EGFLAM: variants seen among roughly 807,000 people sequenced by gnomAD.
EGFLAM encodes the protein EGF like, fibronectin type III and laminin G domains, also known as pikachurin.
Under a neutral mutation model 113.1 loss-of-function variants are expected in EGFLAM, and 79 were observed. The observed-to-expected ratio is 0.70, with a 90% confidence interval of 0.58 to 0.84. The LOEUF is 0.84. Among genes scored for constraint, EGFLAM ranks in the 40% least tolerant of loss-of-function variants. The probability of loss-of-function intolerance (pLI) is 0.00; values close to 1 mark genes in which losing one functional copy is unlikely to be tolerated. For synonymous variants in EGFLAM, 504 were observed against 487.6 expected, an observed-to-expected ratio of 1.03 and a Z score of -0.44; for missense variants, 1,265 against 1,291.6, an observed-to-expected ratio of 0.98 and a Z score of 0.32.
intron 11 of EGFLAM, 61 bp from the exon 12 acceptor site, chr5:38,418,003 GGT>G (rs1741706513): frequency 2.7e-6 from 4 of 1,488,692 alleles, no homozygotes; most frequent in Admixed American, 2.0e-5. Flanking sequence ...ATAAAAATCT[GGT>G]GTGTTTTGGC....
chr5:38,366,744 T>A (rs1474552812), intron 5 of EGFLAM, among the ~76,000 whole-genome samples: 1 of 152,206 alleles, frequency 6.6e-6, no homozygotes, highest in Non-Finnish European at 1.5e-5. Flanking sequence ...GATCATTATT[T>A]TATCTTTGAG....
chr5:38,312,879 G>T (rs1363700556), intron 1 of EGFLAM, among the ~76,000 whole-genome samples: 2 of 152,132 alleles, frequency 1.3e-5, no homozygotes, highest in African/African-American at 4.8e-5. Flanking sequence ...CCTGAGGTCA[G>T]CAGTTCAAGA....
intron 12 of EGFLAM, among the ~76,000 whole-genome samples, chr5:38,423,816 T>C (rs1285475826): frequency 6.6e-6 from 1 of 152,216 alleles, no homozygotes; most frequent in Non-Finnish European, 1.5e-5. Flanking sequence ...TAGCAGTCCC[T>C]GAAGTCAGTC....
At chr5:38,387,262 C>T (rs1377449509) in intron 6 of EGFLAM, among the ~76,000 whole-genome samples, 1 of 152,200 alleles carries the variant, frequency 6.6e-6, no homozygotes, top group Non-Finnish European at 1.5e-5. Flanking sequence ...TGTTGCTCTC[C>T]TGCTCCTCCT....
chr5:38,333,529 G>C (rs1052435214), intron 1 of EGFLAM, among the ~76,000 whole-genome samples: 5 of 152,076 alleles, frequency 3.3e-5, no homozygotes, highest in African/African-American at 1.2e-4. Flanking sequence ...TTATGGTTTT[G>C]ATTTGCATTT....
intron 3 of EGFLAM, among the ~76,000 whole-genome samples, chr5:38,341,694 A>G (rs1739342252): frequency 6.6e-6 from 1 of 152,224 alleles, no homozygotes; most frequent in Non-Finnish European, 1.5e-5. Context: ...ATATCATATC[A>G]TTCTATAGAT....
chr5:38,398,945 A>G (rs917493677), intron 6 of EGFLAM, among the ~76,000 whole-genome samples: 5 of 152,242 alleles, frequency 3.3e-5, no homozygotes, highest in African/African-American at 9.6e-5. Context: ...TTTGAAATCA[A>G]TTGAAAAATA....
chr5:38,368,972 C>G (rs1020046409), intron 5 of EGFLAM, among the ~76,000 whole-genome samples: 1 of 152,194 alleles, frequency 6.6e-6, no homozygotes, highest in Non-Finnish European at 1.5e-5. Flanking sequence ...AAGCCCTTGA[C>G]GTTATTAGCC....
chr5:38,405,671 G>A (rs1375005243), intron 6 of EGFLAM, among the ~76,000 whole-genome samples: 2 of 152,204 alleles, frequency 1.3e-5, no homozygotes, highest in Non-Finnish European at 2.9e-5. Flanking sequence ...CTATGAACCT[G>A]TTTTGAACAC....
intron 10 of EGFLAM, among the ~76,000 whole-genome samples, chr5:38,411,558 C>T (rs1290047570): frequency 7.1e-6 from 1 of 141,124 alleles, no homozygotes; most frequent in African/African-American, 2.7e-5. Context: ...TCTGGGCTCA[C>T]TTCAACCTCC....
chr5:38,430,339 C>T (rs1232692417), intron 14 of EGFLAM, among the ~76,000 whole-genome samples: 1 of 152,160 alleles, frequency 6.6e-6, no homozygotes, highest in Non-Finnish European at 1.5e-5. Flanking sequence ...TTCATGCCAC[C>T]TCTCATCTAG....
intron 1 of EGFLAM, among the ~76,000 whole-genome samples, chr5:38,276,694 A>T (rs989219722): frequency 2.0e-5 from 3 of 152,122 alleles, no homozygotes; most frequent in Admixed American, 2.0e-4. Flanking sequence ...CTAGAAAAAA[A>T]AGAGAAGAGT....
chr5:38,369,764 A>C (rs1268496670), intron 5 of EGFLAM, among the ~76,000 whole-genome samples: 2 of 152,348 alleles, frequency 1.3e-5, no homozygotes, highest in African/African-American at 2.4e-5. Context: ...TCCAAAGGAC[A>C]TGTAAAAATT....
chr5:38,314,902 G>T (rs979524256), intron 1 of EGFLAM, among the ~76,000 whole-genome samples: 1 of 152,216 alleles, frequency 6.6e-6, no homozygotes, highest in Non-Finnish European at 1.5e-5. Context: ...CCACAGTGGG[G>T]ACAGTATGGA....
intron 16 of EGFLAM, 70 bp downstream of exon 16, chr5:38,435,323 C>T (rs1742310043): frequency 1.7e-6 from 2 of 1,172,632 alleles, no homozygotes; most frequent in Non-Finnish European, 2.5e-6. Flanking sequence ...GGATTATGAT[C>T]AGTGTCATCT....
At chr5:38,445,578 C>T in intron 17 of EGFLAM, 1 of 1,596,446 alleles carries the variant, frequency 6.3e-7, no homozygotes, top group Non-Finnish European at 8.5e-7. Flanking sequence ...GTGAGAGAAA[C>T]AAGGCTGGCT....
At position 38,445,613 on chromosome 5, in the gene EGFLAM, T is replaced by C. The variant is rs1014784041; in HGVS notation, c.2465-2688T>C. 2.4e-5 allele frequency: 39 copies of C among 1,598,168 alleles called. 1 individual carries two copies. The Middle Eastern group carries it at 6.6e-4, about 27-fold the overall frequency. On this transcript the variant is annotated intron_variant, in intron 17 of 21. Coordinates refer to ENST00000322350, the MANE Select transcript of EGFLAM (RefSeq NM_152403.4). ...TTCAAGTGATCTGCAACCAGAGTAA[T>C]TGGGATTTGACAAGGACTGTGAAAG...
Position 38,418,262 on chromosome 5 carries a change from G to A in EGFLAM, c.1684+7G>A, listed in dbSNP as rs957888873. The A allele has an allele frequency of 1.2e-6, 2 of 1,612,504 alleles. No individual in the cohort carries two copies. Among genetic ancestry groups the A allele is most frequent in the South Asian group, 2.2e-5 (2 of 90,820 alleles). On this transcript the variant is annotated splice_region_variant and intron_variant, in intron 12 of 21. Transcript: ENST00000322350. ...CTCAGTGGGGCTGATGTGGGTAAGT[G>A]GCTGCCTGGTGGGTTGGGGTACTCT...
chr5:38,335,681 G>A (rs1281403517), intron 1 of EGFLAM, among the ~76,000 whole-genome samples: 2 of 152,156 alleles, frequency 1.3e-5, no homozygotes, highest in Non-Finnish European at 2.9e-5. Flanking sequence ...GGTGACAATC[G>A]TAGGTGTATA....
Sources: allele counts gnomAD v4.1 joint callset (sites outside exome capture counted in the v4.1 genomes callset), GRCh38; gene constraint gnomAD v4.1.1; transcripts MANE v1.5; gene names NCBI Gene and HGNC (gene_info 2026-07-23, HGNC 2026-07-21).